SUPT20H: variants seen among roughly 807,000 people sequenced by gnomAD.
The protein encoded by SUPT20H is SPT20 homolog, SAGA complex component.
A neutral mutation model predicts 122.8 loss-of-function variants in SUPT20H; 82 were observed. That is an observed-to-expected ratio of 0.67 (90% CI 0.56 to 0.80). SUPT20H has a LOEUF of 0.80. Among genes scored for constraint, SUPT20H ranks in the 30% least tolerant of loss-of-function variants. SUPT20H has a pLI of 0.00. For missense variants in SUPT20H, 831 were observed against 921.6 expected, an observed-to-expected ratio of 0.90 and a Z score of 1.27; for synonymous variants, 291 against 313.0, an observed-to-expected ratio of 0.93 and a Z score of 0.74.
At chr13:37,024,631 CAT>C (rs1315706117) in intron 17 of SUPT20H, 189 bp from the exon 18 acceptor site, 20 of 364,562 alleles carry the variant, frequency 5.5e-5, no homozygotes, top group South Asian at 1.0e-4. Context: ...GAAAATTTCA[CAT>C]GAGATTCATG....
chr13:37,055,815 T>C (rs979035021), intron 1 of SUPT20H, among the ~76,000 whole-genome samples: 41 of 152,096 alleles, frequency 2.7e-4, no homozygotes, highest in African/African-American at 9.9e-4. Context: ...GAAACTACCA[T>C]CAGAGTGAAC....
At position 37,040,616 on chromosome 13, in the gene SUPT20H, C is replaced by T; in HGVS notation, c.473G>A (p.Gly158Asp). The T allele has an allele frequency of 6.2e-7, 1 of 1,614,038 alleles. No individual in the cohort carries two copies. The highest frequency in any genetic ancestry group is 8.5e-7 in the Non-Finnish European group (1 of 1,179,994). Residue 158 changes from glycine to aspartate, a missense_variant, in exon 8 of 26, where the codon GGT becomes GAT. Transcript: ENST00000350612. ...YRQSSNMKSP[G>D]YQSRHILLRP... is the part of the protein sequence containing the mutation. ...TAAGAGAATGTGCCGACTTTGGTAA[C>T]CAGGAGATTTCATGTTACTGGACTG...
chr13:37,012,411 T>A, intron 23 of SUPT20H, 114 bp from the exon 24 acceptor site: 2 of 659,202 alleles, frequency 3.0e-6, no homozygotes, highest in Admixed American at 2.7e-5. Context: ...ACTAGTCTTG[T>A]AAAAAGAATA....
At chr13:37,012,445 T>A in intron 23 of SUPT20H, 148 bp from the exon 24 acceptor site, 1 of 530,784 alleles carries the variant, frequency 1.9e-6, no homozygotes, top group East Asian at 2.9e-5. Context: ...TTCAAAGGTA[T>A]TTAGAATAAG....
At chr13:37,051,982 T>C (rs908681757) in intron 1 of SUPT20H, among the ~76,000 whole-genome samples, 2 of 152,080 alleles carry the variant, frequency 1.3e-5, no homozygotes, top group Non-Finnish European at 2.9e-5. Flanking sequence ...ACTTTACAAA[T>C]CACAGATATA....
intron 1 of SUPT20H, among the ~76,000 whole-genome samples, chr13:37,057,812 A>G (rs1482604972): frequency 6.6e-6 from 1 of 151,970 alleles, no homozygotes; most frequent in Non-Finnish European, 1.5e-5. Flanking sequence ...CGTCTCTACT[A>G]AAAACACAAA....
Position 37,022,060 on chromosome 13 carries a change from T to G in SUPT20H, c.1612A>C (p.Met538Leu), listed in dbSNP as rs916794486. 3.7e-6 allele frequency: 6 copies of G among 1,613,862 alleles called. No individual in the cohort carries two copies. The East Asian group carries it at 1.3e-4, about 36-fold the overall frequency. The part of the protein sequence containing the change: ...SSQRTTATQV[M>L]ANSAGLNFIN... ...AAGTTAAGTCCAGCAGAGTTTGCCA[T>G]GACCTGGGTGGCCGTGGTTCCTGGA... The change falls in exon 20 of 26, where the codon ATG (methionine) becomes CTG (leucine). Residue 538 changes from methionine (M) to leucine (L), a missense_variant. By Grantham distance (15) the Met-to-Leu change is conservative. Transcript: ENST00000350612. The surrounding 1 kb of genome is among the most constrained non-coding windows in gnomAD (Gnocchi z 4.5).
In SUPT20H at chr13:37,022,162, C is replaced by G; in HGVS notation, c.1592-82G>C. 1 of 1,613,666 alleles carries G rather than the reference C, an allele frequency of 6.2e-7. No individual in the cohort carries two copies. Among genetic ancestry groups the G allele is most frequent in the Non-Finnish European group, 8.5e-7 (1 of 1,179,834 alleles). On this transcript the variant is annotated intron_variant, in intron 19 of 25. Transcript: ENST00000350612. The surrounding 1 kb of genome is among the most constrained non-coding windows in gnomAD (Gnocchi z 4.5). ...TGGCTCAGAGACCTTTGCTGCTGAG[C>G]AAACTGAGTTAACAAAGTGGGCTGA...
chr13:37,038,251 G>A (rs897001032), intron 9 of SUPT20H: 1 of 152,074 alleles, frequency 6.6e-6, no homozygotes, highest in African/African-American at 2.4e-5. Context: ...ACTTCATTAA[G>A]ACTTTCAAAC....
In SUPT20H at chr13:37,045,148, A is replaced by G. The variant is rs570003372; in HGVS notation, c.292+99T>C. 3.3e-4 allele frequency: 496 copies of G among 1,508,486 alleles called. 8 individuals are homozygous for G. The South Asian group carries it at 4.6e-3, about 14-fold the overall frequency. 93.4% of individuals were successfully genotyped at this position (1,508,486 alleles called of 1,614,324 possible). A position where few individuals can be genotyped will look rare whatever the true frequency, so the allele number is the denominator to read the frequency against. On this transcript the variant is annotated intron_variant, in intron 6 of 25. Coordinates refer to ENST00000350612, the MANE Select transcript of SUPT20H (RefSeq NM_001014286.3). Reference sequence around the variant, plus strand: ...TTATCACTAGGTCATCACTATCTGAAGGACAAATGCTTTAGCAGGTTAAAA... The same window carrying G: ...TTATCACTAGGTCATCACTATCTGAGGGACAAATGCTTTAGCAGGTTAAAA...
Position 37,021,516 on chromosome 13 carries a change from C to T in SUPT20H, c.1748G>A (p.Gly583Asp). 1.2e-6 allele frequency: 2 copies of T among 1,613,848 alleles called. No homozygotes were observed. The highest frequency in any genetic ancestry group is 2.2e-5 in the East Asian group (1 of 44,868). Residue 583 changes from glycine to aspartate, a missense_variant, in exon 21 of 26, where the codon GGC becomes GAC. By Grantham distance (94) the Gly-to-Asp change is moderately conservative. Coordinates refer to ENST00000350612, the MANE Select transcript of SUPT20H (RefSeq NM_001014286.3). ...AITPAGINLS[G>D]LLPSGGLLPN... ...TAGCAGACCTCCTGAGGGTAGAAGGCCGCTCAGGTTTATTCCTGCAGGAGT... is the reference window on the plus strand; with the variant it reads ...TAGCAGACCTCCTGAGGGTAGAAGGTCGCTCAGGTTTATTCCTGCAGGAGT...
chr13:37,036,013 C>T (rs528637471), intron 9 of SUPT20H, among the ~76,000 whole-genome samples: 32 of 152,138 alleles, frequency 2.1e-4, no homozygotes, highest in Non-Finnish European at 3.8e-4. Context: ...CTATAGAGAA[C>T]TCTTTCATGA....
Position 37,026,803 on chromosome 13 carries a change from C to A in SUPT20H, c.1165G>T (p.Asp389Tyr). The A allele has an allele frequency of 1.4e-6, 2 of 1,435,000 alleles. No homozygotes were observed. Among genetic ancestry groups the A allele is most frequent in the South Asian group, 2.9e-5 (2 of 68,598 alleles). 88.9% of individuals were successfully genotyped at this position (1,435,000 alleles called of 1,614,324 possible). The change falls in exon 15 of 26, where the codon GAT (aspartate) becomes TAT (tyrosine). Residue 389 changes from aspartate (D) to tyrosine (Y), a missense_variant. By Grantham distance (160) the Asp-to-Tyr change is radical (BLOSUM62 -3). Transcript: ENST00000350612. ...QMSPSHSSTD[D>Y]HSNWFIIGSK... ...TTTTTTAATTACCAATTTGAATGAT[C>A]ATCTGTGGACGAGCTGAAATATAAA...
chr13:37,009,524 A>C lies in SUPT20H; in HGVS notation c.*148T>G, dbSNP rs1360955040. ...TAAACCATTTCCCTGTTTTTATTTA[A>C]AAATGATAAGGTTGTGCTTCTGTAT... On this transcript the variant is annotated 3_prime_UTR_variant, in exon 26 of 26. Transcript: ENST00000350612. 2 of 1,044,238 alleles carry C rather than the reference A, an allele frequency of 1.9e-6. No individual in the cohort carries two copies. Among genetic ancestry groups the C allele is most frequent in the Non-Finnish European group, 2.8e-6 (2 of 701,830 alleles). 64.7% of individuals were successfully genotyped at this position (1,044,238 alleles called of 1,614,324 possible).
chr13:37,009,578 A>T lies in SUPT20H; in HGVS notation c.*94T>A. 7.1e-7 allele frequency: 1 copy of T among 1,411,868 alleles called. No homozygotes were observed. 87.5% of individuals were successfully genotyped at this position (1,411,868 alleles called of 1,614,324 possible). On this transcript the variant is annotated 3_prime_UTR_variant, in exon 26 of 26. Coordinates refer to ENST00000350612, the MANE Select transcript of SUPT20H (RefSeq NM_001014286.3). Reference sequence around the variant, plus strand: ...GTTTGTACATCTAGCAATGTAAAATACTGACACATTAAAAAAAACAAAAAG... The same window carrying T: ...GTTTGTACATCTAGCAATGTAAAATTCTGACACATTAAAAAAAACAAAAAG...
chr13:37,034,636 C>T (rs1176346662), intron 9 of SUPT20H, among the ~76,000 whole-genome samples: 1 of 152,180 alleles, frequency 6.6e-6, no homozygotes, highest in Admixed American at 6.5e-5. Context: ...ACAAGTTATG[C>T]AGAAGATCTA....
At chr13:37,046,623 A>G (rs916932022) in intron 5 of SUPT20H, among the ~76,000 whole-genome samples, 1 of 152,144 alleles carries the variant, frequency 6.6e-6, no homozygotes, top group African/African-American at 2.4e-5. Context: ...GCCAATTCCA[A>G]TTTAGAATCT....
At chr13:37,044,214 A>T in intron 6 of SUPT20H, 33 bp from the exon 7 acceptor site, 1 of 1,538,846 alleles carries the variant, frequency 6.5e-7, no homozygotes, top group Non-Finnish European at 8.9e-7. Context: ...GAAAATGATC[A>T]TGCTCACTGA....
At chr13:37,023,017 A>C in intron 19 of SUPT20H, 2 of 1,280,574 alleles carry the variant, frequency 1.6e-6, no homozygotes, top group Non-Finnish European at 1.0e-6. Flanking sequence ...AAAGCTCTTG[A>C]GGTGTTTTCT....
Sources: gnomAD v4.1 joint callset for allele counts (sites outside exome capture counted in the v4.1 genomes callset) on GRCh38, gnomAD v4.1.1 for gene constraint, Gnocchi (gnomAD v3.1) non-coding constraint, MANE v1.5 for transcripts, NCBI Gene and HGNC (gene_info 2026-07-23, HGNC 2026-07-21) for gene names.